Variants in ADGRV1 observed in about 807,000 individuals in gnomAD.
ADGRV1 encodes G-protein coupled receptor 98.
Under a neutral mutation model 596.2 loss-of-function variants are expected in ADGRV1, and 359 were observed. That is an observed-to-expected ratio of 0.60 (90% CI 0.55 to 0.66). ADGRV1 has a LOEUF of 0.66. ADGRV1 is among the 30% of genes least tolerant of loss of function. The probability of loss-of-function intolerance (pLI) is 0.00; values close to 1 mark genes in which losing one functional copy is unlikely to be tolerated. For missense variants in ADGRV1, 7,274 were observed against 7,575.6 expected (o/e 0.96, Z 1.48); for synonymous variants, 2,681 against 2,679.2 (o/e 1.00, Z -0.02).
intron 75 of ADGRV1, among the ~76,000 whole-genome samples, chr5:90,821,728 C>CG (rs1173304514): frequency 2.7e-5 from 4 of 150,404 alleles, no homozygotes; most frequent in Admixed American, 1.3e-4. Flanking sequence ...TAGGCTGCTT[C>CG]GGGGTCAGGG....
rs554793572 is a variant in ADGRV1 at position 90,817,985 on chromosome 5, A to G, written c.16196+2249A>G. ...GGTAGCTTGATGGGGATGGCATTGA[A>G]TCTGTAAATTACCTTGGGCACTATG... On this transcript the variant is annotated intron_variant, in intron 75 of 89. Transcript: ENST00000405460. Among the ~76,000 whole-genome samples, 204 of 152,188 alleles carry G rather than the reference A, an allele frequency of 1.3e-3. 2 individuals carry two copies. The highest frequency in any genetic ancestry group is 4.6e-3 in the African/African-American group (189 of 41,486).
chr5:90,784,097 A>T (rs1759167547), intron 67 of ADGRV1, 40 bp downstream of exon 67: 1 of 1,335,872 alleles, frequency 7.5e-7, no homozygotes, highest in African/African-American at 1.4e-5. Context: ...ATAATTTTTG[A>T]TAGACTGAGT....
intron 1 of ADGRV1, among the ~76,000 whole-genome samples, chr5:90,604,478 AC>A (rs1241333868): frequency 6.6e-6 from 1 of 152,194 alleles, no homozygotes; most frequent in Non-Finnish European, 1.5e-5. Context: ...ATTTTGTTTG[AC>A]TAGAGCTAAT....
chr5:90,573,870 G>A (rs1470761468), intron 1 of ADGRV1, among the ~76,000 whole-genome samples: 2 of 152,172 alleles, frequency 1.3e-5, no homozygotes, highest in African/African-American at 4.8e-5. Flanking sequence ...GTGAGCATGT[G>A]TGCATGTTTA....
intron 30 of ADGRV1, among the ~76,000 whole-genome samples, chr5:90,690,349 G>A (rs36007066): frequency 2.6e-5 from 4 of 152,138 alleles, no homozygotes; most frequent in Non-Finnish European, 5.9e-5. Context: ...GTGAGTCTTA[G>A]GCAATTCTTT....
intron 52 of ADGRV1, among the ~76,000 whole-genome samples, chr5:90,749,142 T>A (rs747632718): frequency 1.3e-5 from 2 of 152,208 alleles, no homozygotes; most frequent in Admixed American, 6.5e-5. Context: ...TTATGAAGCT[T>A]GTTCCAAAAT....
intron 11 of ADGRV1, 123 bp downstream of exon 11, chr5:90,638,071 T>C: frequency 1.6e-6 from 1 of 644,008 alleles, no homozygotes; most frequent in Non-Finnish European, 2.6e-6. Flanking sequence ...TAAATAGTGT[T>C]ATACTGGCCT....
intron 45 of ADGRV1, among the ~76,000 whole-genome samples, chr5:90,723,124 G>C (rs1164387996): frequency 6.6e-6 from 1 of 152,110 alleles, no homozygotes; most frequent in Non-Finnish European, 1.5e-5. Context: ...ACCATAGAAA[G>C]GGCTATTTGT....
intron 67 of ADGRV1, among the ~76,000 whole-genome samples, chr5:90,785,724 T>G (rs985428535): frequency 1.3e-5 from 2 of 152,152 alleles, no homozygotes; most frequent in Admixed American, 1.3e-4. Context: ...CCAGTTAGAA[T>G]GGCGATCATT....
intron 9 of ADGRV1, 110 bp downstream of exon 9, chr5:90,629,649 A>G (rs2149384456): frequency 2.5e-6 from 2 of 808,562 alleles, no homozygotes; most frequent in Non-Finnish European, 1.9e-6. Context: ...GCCGTCATTT[A>G]TATGTTGTTA....
At chr5:90,673,788 G>A (rs1473058008) in intron 22 of ADGRV1, among the ~76,000 whole-genome samples, 3 of 152,074 alleles carry the variant, frequency 2.0e-5, no homozygotes. Context: ...TAGGAATTTG[G>A]GGGACAGGAG....
intron 89 of ADGRV1, among the ~76,000 whole-genome samples, chr5:91,159,196 A>G (rs1460381509): frequency 6.6e-6 from 1 of 152,194 alleles, no homozygotes; most frequent in African/African-American, 2.4e-5. Flanking sequence ...CATGAGAAAG[A>G]CTATATCTCT....
chr5:90,617,047 T>C (rs953599454), intron 2 of ADGRV1: 10 of 152,194 alleles, frequency 6.6e-5, no homozygotes, highest in Non-Finnish European at 1.3e-4. Context: ...TCCTGTTACA[T>C]CCATGTTTCT....
chr5:91,039,591 A>G (rs1785171701), intron 85 of ADGRV1, among the ~76,000 whole-genome samples: 1 of 152,194 alleles, frequency 6.6e-6, no homozygotes, highest in Non-Finnish European at 1.5e-5. Flanking sequence ...GAACATGGGG[A>G]AATAAAGATG....
At chr5:90,693,645 A>G (rs185823161) in intron 32 of ADGRV1, among the ~76,000 whole-genome samples, 12 of 152,266 alleles carry the variant, frequency 7.9e-5, no homozygotes, top group South Asian at 4.1e-4. Flanking sequence ...GAATTTGCAT[A>G]CCTTGGAAAA....
intron 85 of ADGRV1, among the ~76,000 whole-genome samples, chr5:91,048,238 A>G (rs944939541): frequency 3.3e-5 from 5 of 152,230 alleles, no homozygotes; most frequent in Non-Finnish European, 7.3e-5. Flanking sequence ...CACAATCTCT[A>G]GCAACTCAGT....
At chr5:90,969,965 C>T (rs1260942792) in intron 84 of ADGRV1, among the ~76,000 whole-genome samples, 2 of 152,220 alleles carry the variant, frequency 1.3e-5, no homozygotes, top group East Asian at 3.9e-4. Context: ...CAGGGAATTC[C>T]CTTTCCTAGC....
At chr5:90,580,132 G>A (rs1253767471) in intron 1 of ADGRV1, among the ~76,000 whole-genome samples, 2 of 152,112 alleles carry the variant, frequency 1.3e-5, no homozygotes, top group South Asian at 2.1e-4. Flanking sequence ...ATATTGTTAT[G>A]TGTGAATTTG....
At chr5:91,140,297 A>G (rs1377170231) in intron 87 of ADGRV1, among the ~76,000 whole-genome samples, 2 of 152,186 alleles carry the variant, frequency 1.3e-5, no homozygotes. Context: ...CATCATCAAT[A>G]CTGTTCTTTG....
Sources: allele counts gnomAD v4.1 joint callset (sites outside exome capture counted in the v4.1 genomes callset), GRCh38; gene constraint gnomAD v4.1.1; transcripts MANE v1.5; gene names NCBI Gene and HGNC (gene_info 2026-07-23, HGNC 2026-07-21).